The following NCKAP5 variants were observed in gnomAD, a reference collection of about 807,000 sequenced individuals.
NCKAP5 encodes the protein NCK associated protein 5, also known as nck-associated protein 5.
NCKAP5 carries 92 observed loss-of-function variants against 167.0 expected under a neutral mutation model. The observed-to-expected ratio is 0.55, with a 90% CI of 0.47 to 0.66. NCKAP5 has a LOEUF of 0.66. Ranked by LOEUF, NCKAP5 falls within the 30% of genes least tolerant of loss-of-function variation. The probability of loss-of-function intolerance (pLI) is 0.00; values close to 1 mark genes in which losing one functional copy is unlikely to be tolerated. For synonymous variants in NCKAP5, 891 were observed against 877.4 expected (o/e 1.02, Z -0.27); for missense variants, 2,378 against 2,315.0 (o/e 1.03, Z -0.56).
chr2:133,071,281 T>C (rs1304705266), intron 6 of NCKAP5, among the ~76,000 whole-genome samples: 1 of 152,086 alleles, frequency 6.6e-6, no homozygotes, highest in Non-Finnish European at 1.5e-5. Context: ...CCGTCTCTAC[T>C]AAAAATACAA....
At chr2:133,665,292 T>G in the NCKAP5 span, among the ~76,000 whole-genome samples, 1 of 152,240 alleles carries the variant, frequency 6.6e-6, no homozygotes, top group African/African-American at 2.4e-5. Flanking sequence ...ATTTCTAGCT[T>G]TTAATGTTAA....
chr2:133,636,139 C>G, the NCKAP5 span, among the ~76,000 whole-genome samples: 2 of 151,966 alleles, frequency 1.3e-5, no homozygotes, highest in African/African-American at 4.8e-5. Flanking sequence ...TGTACTGTGG[C>G]GATAAAAAAC....
At chr2:133,539,977 G>A (rs539837482) in intron 2 of NCKAP5, among the ~76,000 whole-genome samples, 9 of 152,200 alleles carry the variant, frequency 5.9e-5, no homozygotes, top group South Asian at 4.2e-4. Flanking sequence ...TCAGGAGATC[G>A]AGACCATCCT....
chr2:133,154,867 A>C (rs1239574745), intron 5 of NCKAP5, among the ~76,000 whole-genome samples: 1 of 152,230 alleles, frequency 6.6e-6, no homozygotes, highest in Non-Finnish European at 1.5e-5. Flanking sequence ...TTCAGCAGTG[A>C]GAGTTCAAAA....
intron 3 of NCKAP5, among the ~76,000 whole-genome samples, chr2:133,390,447 T>C (rs1354624787): frequency 2.6e-5 from 4 of 152,140 alleles, no homozygotes; most frequent in African/African-American, 9.7e-5. Flanking sequence ...TCCACACTAG[T>C]TCCTCCTTTT....
chr2:133,201,997 G>T (rs999012055), intron 5 of NCKAP5, among the ~76,000 whole-genome samples: 17 of 152,078 alleles, frequency 1.1e-4, no homozygotes, highest in Non-Finnish European at 2.2e-4. Flanking sequence ...TCCCCATCAG[G>T]CTACCAATGA....
intron 6 of NCKAP5, among the ~76,000 whole-genome samples, chr2:133,066,922 A>G (rs2080218900): frequency 6.6e-6 from 1 of 152,216 alleles, no homozygotes; most frequent in Non-Finnish European, 1.5e-5. Context: ...TCTGTTTTAA[A>G]CCATTTTTGG....
At chr2:132,906,507 T>C (rs1694021608) in intron 8 of NCKAP5, among the ~76,000 whole-genome samples, 2 of 152,264 alleles carry the variant, frequency 1.3e-5, no homozygotes, top group African/African-American at 4.8e-5. Context: ...TAATACCACA[T>C]GCACATGAAG....
chr2:133,565,330 C>A (rs1283747290), intron 1 of NCKAP5, among the ~76,000 whole-genome samples: 1 of 152,236 alleles, frequency 6.6e-6, no homozygotes. Flanking sequence ...TAAATAATAA[C>A]TGTAGCTAAT....
intron 4 of NCKAP5, among the ~76,000 whole-genome samples, chr2:133,255,317 T>C (rs941665902): frequency 3.9e-5 from 6 of 152,190 alleles, no homozygotes; most frequent in Non-Finnish European, 8.8e-5. Context: ...TTGGGACACA[T>C]CACTCTTTTA....
chr2:133,361,211 G>A (rs548094253), intron 3 of NCKAP5, among the ~76,000 whole-genome samples: 3 of 152,166 alleles, frequency 2.0e-5, no homozygotes, highest in Non-Finnish European at 4.4e-5. Context: ...GAGATCTCCA[G>A]TGGCTTTGGA....
At position 133,430,283 on chromosome 2, in the gene NCKAP5, G is replaced by A. The variant is rs143490789; in HGVS notation, c.69+87175C>T. Reference sequence around the variant, plus strand: ...AGATTCTGAATATTAGTCCTTTCTTGGATGCATAGTTTGCAAATATTTTCT... The same window carrying A: ...AGATTCTGAATATTAGTCCTTTCTTAGATGCATAGTTTGCAAATATTTTCT... On this transcript the variant is annotated intron_variant, in intron 3 of 19. Coordinates refer to ENST00000409261, the MANE Select transcript of NCKAP5 (RefSeq NM_207363.3). 4.6e-3 allele frequency among the ~76,000 whole-genome samples: 701 copies of A among 151,928 alleles called. 11 individuals are homozygous for A. Among genetic ancestry groups the A allele is most frequent in the Admixed American group, 0.034 (515 of 15,256 alleles).
intron 3 of NCKAP5, among the ~76,000 whole-genome samples, chr2:133,494,187 A>G (rs547692014): frequency 4.7e-4 from 72 of 152,282 alleles, no homozygotes; most frequent in African/African-American, 1.7e-3. Flanking sequence ...CTGCAATTTG[A>G]GACAGACCCT....
chr2:133,286,261 G>T (rs1295578917), intron 4 of NCKAP5, among the ~76,000 whole-genome samples: 2 of 152,150 alleles, frequency 1.3e-5, no homozygotes, highest in Non-Finnish European at 2.9e-5. Context: ...CTCCCAAAGT[G>T]CTGGGATTAC....
chr2:132,700,014 T>A (rs1278076693), intron 19 of NCKAP5, among the ~76,000 whole-genome samples: 2 of 152,208 alleles, frequency 1.3e-5, no homozygotes, highest in Non-Finnish European at 2.9e-5. Flanking sequence ...TTGTTAATGA[T>A]CGCCATTCTA....
At chr2:132,744,221 A>G (rs1167305015) in intron 16 of NCKAP5, among the ~76,000 whole-genome samples, 1 of 151,786 alleles carries the variant, frequency 6.6e-6, no homozygotes. Context: ...CATCAAGGGC[A>G]GAATGCATAT....
intron 11 of NCKAP5, among the ~76,000 whole-genome samples, chr2:132,811,404 C>T (rs1574298480): frequency 6.6e-6 from 1 of 152,192 alleles, no homozygotes; most frequent in African/African-American, 2.4e-5. Context: ...TGGGGCTAGG[C>T]ATGTCTGAGC....
At chr2:132,834,430 C>T (rs553364376) in intron 11 of NCKAP5, among the ~76,000 whole-genome samples, 52 of 152,178 alleles carry the variant, frequency 3.4e-4, no homozygotes, top group African/African-American at 6.7e-4. Flanking sequence ...CTGCAAGCTC[C>T]GCCTCCCGGG....
chr2:133,383,236 C>T (rs1478402388), intron 3 of NCKAP5, among the ~76,000 whole-genome samples: 2 of 152,090 alleles, frequency 1.3e-5, no homozygotes, highest in Non-Finnish European at 2.9e-5. Context: ...CCACAACAGG[C>T]CCTGGTGTGT....
Sources: allele counts gnomAD v4.1 joint callset (sites outside exome capture counted in the v4.1 genomes callset), GRCh38; gene constraint gnomAD v4.1.1; transcripts MANE v1.5; gene names NCBI Gene and HGNC (gene_info 2026-07-23, HGNC 2026-07-21).